APBA1: variants seen among roughly 807,000 people sequenced by gnomAD.
APBA1 encodes the protein amyloid beta precursor protein binding family A member 1, also known as amyloid-beta A4 precursor protein-binding family A member 1.
Under a neutral mutation model 86.6 loss-of-function variants are expected in APBA1, and 55 were observed. That is an observed-to-expected ratio of 0.64 (90% CI 0.51 to 0.80). The LOEUF is 0.80. APBA1 is among the 30% of genes least tolerant of loss of function. APBA1 has a pLI of 0.00. For synonymous variants in APBA1, 511 were observed against 493.9 expected, an observed-to-expected ratio of 1.03 and a Z score of -0.46; for missense variants, 1,090 against 1,183.0, an observed-to-expected ratio of 0.92 and a Z score of 1.15.
chr9:69,579,056 GT>G (rs369532606), intron 1 of APBA1, among the ~76,000 whole-genome samples: 16 of 149,212 alleles, frequency 1.1e-4, no homozygotes, highest in South Asian at 2.1e-4. Context: ...ATTTCAACGA[GT>G]TTTTTTTTTA....
At chr9:69,625,356 T>A (rs1822907299) in intron 1 of APBA1, among the ~76,000 whole-genome samples, 1 of 152,230 alleles carries the variant, frequency 6.6e-6, no homozygotes, top group South Asian at 2.1e-4. Context: ...GCATAGGATT[T>A]AACTGCAGCT....
intron 1 of APBA1, among the ~76,000 whole-genome samples, chr9:69,634,849 T>G (rs200681254): frequency 6.6e-6 from 1 of 151,728 alleles, no homozygotes; most frequent in Non-Finnish European, 1.5e-5. Context: ...GGAAAAAAAA[T>G]TATTCTAGAA....
intron 1 of APBA1, among the ~76,000 whole-genome samples, chr9:69,645,824 G>A (rs1823380551): frequency 6.6e-6 from 1 of 152,124 alleles, no homozygotes; most frequent in Admixed American, 6.6e-5. Context: ...ACCAGTTCTG[G>A]GGTTTGGTGT....
intron 1 of APBA1, among the ~76,000 whole-genome samples, chr9:69,558,561 C>CACACAT (rs1554701130): frequency 1.7e-4 from 25 of 142,860 alleles, no homozygotes; most frequent in African/African-American, 7.0e-4. Context: ...CACACACACA[C>CACACAT]ATATATATAT....
chr9:69,525,337 G>A (rs1836325405), intron 1 of APBA1, among the ~76,000 whole-genome samples: 2 of 152,160 alleles, frequency 1.3e-5, no homozygotes, highest in South Asian at 2.1e-4. Context: ...AAACCCTAAA[G>A]ACTATGCCAA....
chr9:69,612,505 G>A (rs933555080), intron 1 of APBA1, among the ~76,000 whole-genome samples: 1 of 151,894 alleles, frequency 6.6e-6, no homozygotes, highest in African/African-American at 2.4e-5. Context: ...TTTATACAAA[G>A]ACTAAATATA....
intron 1 of APBA1, among the ~76,000 whole-genome samples, chr9:69,575,730 C>G (rs1430645627): frequency 1.3e-5 from 2 of 152,146 alleles, no homozygotes; most frequent in African/African-American, 2.4e-5. Context: ...AGACTTAAAT[C>G]TTAGACCTAA....
chr9:69,487,794 C>A (rs959398337), intron 2 of APBA1, among the ~76,000 whole-genome samples: 1 of 152,132 alleles, frequency 6.6e-6, no homozygotes, highest in East Asian at 1.9e-4. Flanking sequence ...TCCCAGCCTC[C>A]AGAATTAAAA....
At chr9:69,627,678 AC>A (rs1822960464) in intron 1 of APBA1, among the ~76,000 whole-genome samples, 1 of 152,160 alleles carries the variant, frequency 6.6e-6, no homozygotes, top group African/African-American at 2.4e-5. Flanking sequence ...CTTTCTCAAG[AC>A]CAAATTCTCT....
At chr9:69,485,216 G>C (rs773371056) in intron 2 of APBA1, among the ~76,000 whole-genome samples, 11 of 152,036 alleles carry the variant, frequency 7.2e-5, no homozygotes, top group Non-Finnish European at 1.5e-4. Flanking sequence ...CCAAATGAGA[G>C]AGGACCCTGT....
chr9:69,629,965 A>T (rs1823008285), intron 1 of APBA1, among the ~76,000 whole-genome samples: 2 of 152,178 alleles, frequency 1.3e-5, no homozygotes, highest in Admixed American at 1.3e-4. Context: ...GATTCCCAAC[A>T]TCATGGAGAT....
intron 1 of APBA1, among the ~76,000 whole-genome samples, chr9:69,657,549 G>A (rs2134021653): frequency 6.6e-6 from 1 of 152,300 alleles, no homozygotes; most frequent in East Asian, 1.9e-4. Context: ...TTAGCCACTG[G>A]CTGACATTAT....
In APBA1 at chr9:69,516,020, C is replaced by T. The variant is rs1836135163; in HGVS notation, c.1191G>A (p.Met397Ile). Residue 397 changes from methionine (M) to isoleucine (I), a missense_variant, in exon 2 of 13, where the codon ATG becomes ATA. This residue lies in a region of APBA1 where 678 missense variants were observed against 647.1 expected (regional missense o/e 1.05). Coordinates refer to ENST00000265381, the MANE Select transcript of APBA1 (RefSeq NM_001163.4). The surrounding 1 kb of genome is among the most constrained non-coding windows in gnomAD (Gnocchi z 7.3). ...ACCCGCACCTACTTACATCTCCGTC[C>T]ATCGGCCTCTGGTCGTCACAGTCCC... ...PTRDCDDQRPMDGDSPSPGSS... is the reference protein window; with the variant it reads ...PTRDCDDQRPIDGDSPSPGSS... 1.3e-6 allele frequency: 2 copies of T among 1,573,646 alleles called. No individual in the cohort carries two copies. Among genetic ancestry groups the T allele is most frequent in the Non-Finnish European group, 1.7e-6 (2 of 1,155,904 alleles).
intron 1 of APBA1, among the ~76,000 whole-genome samples, chr9:69,579,355 G>A (rs1821869898): frequency 6.6e-6 from 1 of 152,108 alleles, no homozygotes; most frequent in Admixed American, 6.5e-5. Context: ...GCTACATAAA[G>A]GACATGTTCC....
At chr9:69,652,368 C>CA (rs1588413135) in intron 1 of APBA1, among the ~76,000 whole-genome samples, 1 of 152,086 alleles carries the variant, frequency 6.6e-6, no homozygotes, top group East Asian at 1.9e-4. Flanking sequence ...GTGAGCAGGG[C>CA]AAAATAGGGG....
chr9:69,469,160 C>G (rs1179967942), intron 4 of APBA1, among the ~76,000 whole-genome samples: 2 of 152,172 alleles, frequency 1.3e-5, no homozygotes. Flanking sequence ...CATGCCTAGC[C>G]TTGTGTATTT....
intron 2 of APBA1, among the ~76,000 whole-genome samples, chr9:69,476,415 A>G (rs1451866889): frequency 6.6e-6 from 1 of 152,264 alleles, no homozygotes; most frequent in Non-Finnish European, 1.5e-5. Flanking sequence ...GAAAATACAG[A>G]AAAGGTTGAA....
intron 2 of APBA1, among the ~76,000 whole-genome samples, chr9:69,481,593 C>CT (rs1360621245): frequency 8.6e-6 from 1 of 116,770 alleles, no homozygotes; most frequent in African/African-American, 3.1e-5. Context: ...CTACCAATGA[C>CT]TTTCTTCACA....
At chr9:69,652,957 G>A (rs748769385) in intron 1 of APBA1, among the ~76,000 whole-genome samples, 3 of 151,422 alleles carry the variant, frequency 2.0e-5, no homozygotes, top group Non-Finnish European at 2.9e-5. Flanking sequence ...AGATTGCACC[G>A]CTACACTCCA....
Sources: gnomAD v4.1 joint callset for allele counts (sites outside exome capture counted in the v4.1 genomes callset) on GRCh38, gnomAD v4.1.1 for gene constraint, gnomAD v4.1.1 regional missense constraint, Gnocchi (gnomAD v3.1) non-coding constraint, MANE v1.5 for transcripts, NCBI Gene and HGNC (gene_info 2026-07-23, HGNC 2026-07-21) for gene names.